RANBP2: variants seen among roughly 807,000 people sequenced by gnomAD.
RANBP2 encodes RAN binding protein 2.
A neutral mutation model predicts 303.6 loss-of-function variants in RANBP2; 57 were observed. That is an observed-to-expected ratio of 0.19 (90% confidence interval 0.15 to 0.23). The LOEUF (loss-of-function observed/expected upper bound fraction) is 0.23, where lower values mean the gene tolerates loss of function less well. RANBP2 is among the 10% of genes least tolerant of loss of function. RANBP2 has a pLI of 1.00. For missense variants in RANBP2, 3,138 were observed against 3,780.8 expected, an observed-to-expected ratio of 0.83 and a Z score of 4.46; for synonymous variants, 1,167 against 1,301.5, an observed-to-expected ratio of 0.90 and a Z score of 2.23.
the RANBP2 span, among the ~76,000 whole-genome samples, chr2:109,343,750 T>A: frequency 6.6e-6 from 1 of 151,176 alleles, no homozygotes; most frequent in African/African-American, 2.4e-5. Context: ...TTTCCTTTTT[T>A]TTTTTTTTCT....
chr2:108,985,261 C>T, the RANBP2 span, among the ~76,000 whole-genome samples: 2 of 152,194 alleles, frequency 1.3e-5, no homozygotes, highest in African/African-American at 2.4e-5. Flanking sequence ...TGCTACACTG[C>T]GGGCCTCAGG....
At chr2:109,034,129 G>A in the RANBP2 span, among the ~76,000 whole-genome samples, 1 of 151,408 alleles carries the variant, frequency 6.6e-6, no homozygotes, top group African/African-American at 2.4e-5. Flanking sequence ...AATTAGCCGG[G>A]TGTGGTGGCA....
the RANBP2 span, among the ~76,000 whole-genome samples, chr2:109,629,302 GATATATATATATATATAT>G: frequency 1.9e-3 from 144 of 77,646 alleles, 2 homozygotes; most frequent in East Asian, 3.6e-3. Context: ...CTGGCCTAAA[GATATATATATATATATAT>G]ATATATATAT....
At position 108,776,072 on chromosome 2, in the gene RANBP2, G is replaced by A. The variant is rs1446429043; in HGVS notation, c.8497+136G>A. The A allele has an allele frequency of 1.8e-5, 12 of 685,292 alleles. No individual in the cohort carries two copies. The African/African-American group carries it at 2.2e-4, about 12-fold the overall frequency. The allele number at this position is 685,292 out of a possible 1,614,324, so 42.5% of individuals were successfully genotyped here. A position where few individuals can be genotyped will look rare whatever the true frequency, so the allele number is the denominator to read the frequency against. On this transcript the variant is annotated intron_variant, in intron 24 of 28. Coordinates refer to ENST00000283195, the MANE Select transcript of RANBP2 (RefSeq NM_006267.5). ...TGTATAAAGGGGCATCTTAGTAGTAGTAGTAATAATAACCAGAAAAATTAT... is the reference window on the plus strand; with the variant it reads ...TGTATAAAGGGGCATCTTAGTAGTAATAGTAATAATAACCAGAAAAATTAT...
the RANBP2 span, among the ~76,000 whole-genome samples, chr2:109,627,428 C>T: frequency 6.6e-6 from 1 of 152,208 alleles, no homozygotes; most frequent in African/African-American, 2.4e-5. Flanking sequence ...AACCTCTGAG[C>T]TCAGGTGATC....
At chr2:109,144,891 C>G in the RANBP2 span, among the ~76,000 whole-genome samples, 1 of 152,228 alleles carries the variant, frequency 6.6e-6, no homozygotes. Flanking sequence ...AGCTTTGTTC[C>G]CAGAGCTGGG....
At chr2:109,680,033 AAAAAAT>A in the RANBP2 span, among the ~76,000 whole-genome samples, 1 of 151,996 alleles carries the variant, frequency 6.6e-6, no homozygotes, top group Non-Finnish European at 1.5e-5. Context: ...ACCTAGAGAG[AAAAAAT>A]AAAAATAAAA....
At chr2:108,886,982 AGGCTTT>A in the RANBP2 span, among the ~76,000 whole-genome samples, 2 of 151,992 alleles carry the variant, frequency 1.3e-5, no homozygotes, top group African/African-American at 4.8e-5. Flanking sequence ...AGTTTTCCCT[AGGCTTT>A]CTTATGCTGT....
At chr2:109,249,605 T>TTCTTTCTTTC in the RANBP2 span, among the ~76,000 whole-genome samples, 1 of 145,538 alleles carries the variant, frequency 6.9e-6, no homozygotes, top group South Asian at 2.1e-4. Flanking sequence ...TTCTTTTTCT[T>TTCTTTCTTTC]TCTTTCTTTC....
chr2:108,773,155 T>C, intron 23 of RANBP2, 109 bp downstream of exon 23: 3 of 1,233,312 alleles, frequency 2.4e-6, no homozygotes, highest in Non-Finnish European at 3.5e-6. Context: ...TTTACTCTTG[T>C]TGCCCAGGCT....
At chr2:109,455,194 C>A in the RANBP2 span, among the ~76,000 whole-genome samples, 1 of 152,124 alleles carries the variant, frequency 6.6e-6, no homozygotes, top group African/African-American at 2.4e-5. Flanking sequence ...GGTCATGGCC[C>A]GTCCAGGAGT....
At chr2:109,680,627 C>A in the RANBP2 span, among the ~76,000 whole-genome samples, 1 of 152,178 alleles carries the variant, frequency 6.6e-6, no homozygotes. Context: ...ATCACCATCA[C>A]CTGTTTTCCC....
At chr2:108,965,890 C>A in the RANBP2 span, among the ~76,000 whole-genome samples, 2 of 152,106 alleles carry the variant, frequency 1.3e-5, no homozygotes, top group Non-Finnish European at 2.9e-5. Flanking sequence ...CCTCTCCCCC[C>A]AGGCAAAGAA....
At chr2:109,383,415 T>A in the RANBP2 span, among the ~76,000 whole-genome samples, 1 of 152,214 alleles carries the variant, frequency 6.6e-6, no homozygotes, top group African/African-American at 2.4e-5. Context: ...CCCTTAGTTC[T>A]AAGACTTGGC....
At chr2:109,314,011 A>G in the RANBP2 span, among the ~76,000 whole-genome samples, 7 of 152,190 alleles carry the variant, frequency 4.6e-5, no homozygotes, top group Non-Finnish European at 8.8e-5. Context: ...AAGGAGTACC[A>G]GGCTGTGGGA....
At chr2:109,171,471 G>T in the RANBP2 span, among the ~76,000 whole-genome samples, 503 of 152,316 alleles carry the variant, frequency 3.3e-3, 3 homozygotes, top group African/African-American at 0.011. Context: ...CTCCACGCTT[G>T]CCCCCCTACC....
At chr2:109,077,894 T>C in the RANBP2 span, among the ~76,000 whole-genome samples, 1 of 148,640 alleles carries the variant, frequency 6.7e-6, no homozygotes, top group Non-Finnish European at 1.5e-5. Flanking sequence ...TGGAAAACAG[T>C]ATAGAGATCC....
the RANBP2 span, among the ~76,000 whole-genome samples, chr2:109,205,525 C>G: frequency 1.3e-5 from 2 of 152,190 alleles, no homozygotes; most frequent in Admixed American, 1.3e-4. Flanking sequence ...GCTGGGATTA[C>G]AGGTGAACCA....
the RANBP2 span, among the ~76,000 whole-genome samples, chr2:109,570,021 C>T: frequency 6.7e-6 from 1 of 150,280 alleles, no homozygotes; most frequent in Non-Finnish European, 1.5e-5. Flanking sequence ...CTGCCAACTG[C>T]CCCTACAAAA....
Sources: allele counts gnomAD v4.1 joint callset (sites outside exome capture counted in the v4.1 genomes callset), GRCh38; gene constraint gnomAD v4.1.1; transcripts MANE v1.5; gene names NCBI Gene and HGNC (gene_info 2026-07-23, HGNC 2026-07-21).